SYNJ2: variants seen among roughly 807,000 people sequenced by gnomAD.
SYNJ2 encodes polyphosphatidylinositol phosphatase SYNJ2.
SYNJ2 carries 116 observed loss-of-function variants against 141.3 expected under a neutral mutation model. The observed-to-expected ratio is 0.82, with a 90% CI of 0.71 to 0.96. SYNJ2 has a LOEUF of 0.96. Among genes scored for constraint, SYNJ2 ranks in the 40% least tolerant of loss-of-function variants. The probability of loss-of-function intolerance (pLI) is 0.00; values close to 1 mark genes in which losing one functional copy is unlikely to be tolerated. For missense variants in SYNJ2, 1,873 were observed against 1,934.8 expected (o/e 0.97, Z 0.60); for synonymous variants, 745 against 777.7 (o/e 0.96, Z 0.70).
intron 1 of SYNJ2, among the ~76,000 whole-genome samples, chr6:158,012,770 G>A (rs1384970235): frequency 2.0e-5 from 3 of 152,196 alleles, no homozygotes; most frequent in Non-Finnish European, 4.4e-5. Flanking sequence ...TGGCTTCCCA[G>A]TACTTTTCTA....
intron 13 of SYNJ2, among the ~76,000 whole-genome samples, chr6:158,069,103 G>A (rs1183045558): frequency 6.6e-6 from 1 of 152,110 alleles, no homozygotes; most frequent in Non-Finnish European, 1.5e-5. Flanking sequence ...GGGGAGAGGT[G>A]AGAAAGTGTG....
At chr6:158,016,597 G>A (rs1397027066) in intron 1 of SYNJ2, among the ~76,000 whole-genome samples, 1 of 152,116 alleles carries the variant, frequency 6.6e-6, no homozygotes, top group African/African-American at 2.4e-5. Context: ...AGAGGTTAGG[G>A]CTCTCCCTAA....
At chr6:157,981,792 C>T (rs1777019330), upstream of SYNJ2, 1 of 525,392 alleles carries the variant, frequency 1.9e-6, no homozygotes, top group South Asian at 9.4e-5. This position sits in a 1 kb window ranked among gnomAD's most constrained non-coding sequence, Gnocchi z 6.4. Context: ...TGGGGAGGCG[C>T]GAGTGGGGAG....
At chr6:157,985,855 T>C (rs570267697) in intron 1 of SYNJ2, among the ~76,000 whole-genome samples, 11 of 152,284 alleles carry the variant, frequency 7.2e-5, no homozygotes, top group African/African-American at 2.2e-4. Context: ...AGAGAATTAA[T>C]TAAGTTAATT....
intron 18 of SYNJ2, among the ~76,000 whole-genome samples, chr6:158,080,493 A>C (rs1413450710): frequency 3.3e-5 from 5 of 150,174 alleles, no homozygotes; most frequent in East Asian, 1.9e-4. Flanking sequence ...AAAAAAAAAA[A>C]AAACGAGCAT....
At chr6:158,020,203 G>A (rs890006002) in intron 2 of SYNJ2, among the ~76,000 whole-genome samples, 4 of 83,978 alleles carry the variant, frequency 4.8e-5, no homozygotes, top group African/African-American at 1.1e-4. Flanking sequence ...GACTCTGACT[G>A]TGTGACCCCC....
chr6:158,081,048 G>A (rs774817720), intron 18 of SYNJ2, 61 bp from the exon 19 acceptor site: 102 of 1,514,662 alleles, frequency 6.7e-5, no homozygotes, highest in Non-Finnish European at 8.8e-5. Flanking sequence ...GGGGACTGGA[G>A]GCCGGGGGTG....
chr6:158,058,822 A>G lies in SYNJ2; in HGVS notation c.858-435A>G, dbSNP rs552080090. Among the ~76,000 whole-genome samples the G allele has an allele frequency of 7.1e-4, 108 of 152,280 alleles. 1 individual carries two copies. The highest frequency in any genetic ancestry group is 2.4e-3 in the African/African-American group (100 of 41,560). ...GTGGCATGTACCTGTAGTCCCTATT[A>G]CTTGAGAGGCTGAGTTGGGAGGATT... On this transcript the variant is annotated intron_variant, in intron 6 of 26. Coordinates refer to ENST00000355585, the MANE Select transcript of SYNJ2 (RefSeq NM_003898.4).
chr6:158,083,680 C>T (rs1782848691), intron 21 of SYNJ2, 83 bp downstream of exon 21: 1 of 1,564,704 alleles, frequency 6.4e-7, no homozygotes, highest in Middle Eastern at 1.7e-4. Flanking sequence ...CTAAAGCCTC[C>T]CTTGCAGAAG....
At chr6:157,997,027 A>C (rs6923427) in intron 1 of SYNJ2, among the ~76,000 whole-genome samples, 24,204 of 113,984 alleles carry the variant, frequency 0.21, 1,645 homozygotes, top group Middle Eastern at 0.27. Flanking sequence ...CACCTACCCC[A>C]CCCCCCCCCA....
intron 1 of SYNJ2, among the ~76,000 whole-genome samples, chr6:158,011,559 T>G (rs1181743664): frequency 6.6e-6 from 1 of 152,162 alleles, no homozygotes; most frequent in Admixed American, 6.5e-5. Context: ...TGTTTGTTTG[T>G]TTTTAAAATA....
intron 20 of SYNJ2, among the ~76,000 whole-genome samples, chr6:158,082,713 G>T (rs553381924): frequency 6.6e-6 from 1 of 152,132 alleles, no homozygotes; most frequent in Non-Finnish European, 1.5e-5. Flanking sequence ...TGTGTCTCAC[G>T]TTGGAAGGCA....
At chr6:158,078,060 G>A in intron 17 of SYNJ2, 104 bp from the exon 18 acceptor site, 1 of 677,402 alleles carries the variant, frequency 1.5e-6, no homozygotes, top group African/African-American at 2.5e-5. Context: ...CTGGGACGTG[G>A]GGTGGTTCGT....
rs1404494069 is a variant in SYNJ2 at position 158,069,614 on chromosome 6, A to G, written c.1881A>G (p.Ala627=). 4 of 1,614,060 alleles carry G rather than the reference A, an allele frequency of 2.5e-6. No homozygotes were observed. The highest frequency in any genetic ancestry group is 1.7e-5 in the Admixed American group (1 of 60,006). ...RSHRYILLTS[A]QLVGVCLYIF... Reference sequence around the variant, plus strand: ...ATAGATACATTCTGTTGACTTCGGCACAGCTGGTGGGCGTCTGTCTTTATA... The same window carrying G: ...ATAGATACATTCTGTTGACTTCGGCGCAGCTGGTGGGCGTCTGTCTTTATA... Residue 627 remains alanine (A), a synonymous_variant, in exon 14 of 27, where the codon GCA becomes GCG. Coordinates refer to ENST00000355585, the MANE Select transcript of SYNJ2 (RefSeq NM_003898.4).
At chr6:158,047,478 G>A (rs1780302483) in intron 5 of SYNJ2, among the ~76,000 whole-genome samples, 1 of 152,054 alleles carries the variant, frequency 6.6e-6, no homozygotes, top group Admixed American at 6.6e-5. Context: ...GGATTAAAGA[G>A]CGTAATATAA....
At chr6:158,059,402 A>G (rs1781068529) in intron 7 of SYNJ2, 49 bp downstream of exon 7, 5 of 1,544,482 alleles carry the variant, frequency 3.2e-6, no homozygotes, top group East Asian at 2.5e-5. Context: ...GCAGGTGGCC[A>G]TGGTGGAGCG....
rs1363562352 is a variant in SYNJ2 at position 158,074,563 on chromosome 6, T to C, written c.2134-17T>C. ...TGCAAGATGGGCTGAATGATTATGATTTTCTTTTCAACTTAGGGGAGAAAT... is the reference window on the plus strand; with the variant it reads ...TGCAAGATGGGCTGAATGATTATGACTTTCTTTTCAACTTAGGGGAGAAAT... On this transcript the variant is annotated splice_polypyrimidine_tract_variant and intron_variant, in intron 15 of 26. Transcript: ENST00000355585. 6.2e-7 allele frequency: 1 copy of C among 1,607,156 alleles called. No homozygotes were observed. Among genetic ancestry groups the C allele is most frequent in the Non-Finnish European group, 8.5e-7 (1 of 1,176,744 alleles).
chr6:158,087,268 G>A (rs145450121), intron 23 of SYNJ2, among the ~76,000 whole-genome samples: 1 of 152,320 alleles, frequency 6.6e-6, no homozygotes, highest in East Asian at 1.9e-4. Flanking sequence ...CAGCATTAGA[G>A]GATGCAGAAT....
intron 5 of SYNJ2, among the ~76,000 whole-genome samples, chr6:158,052,643 TTCATTACCA>T (rs1184227039): frequency 6.6e-6 from 1 of 152,160 alleles, no homozygotes; most frequent in Non-Finnish European, 1.5e-5. Context: ...CAAGAACTCA[TTCATTACCA>T]TGGGGTTGTC....
Sources: allele counts gnomAD v4.1 joint callset (sites outside exome capture counted in the v4.1 genomes callset), GRCh38; gene constraint gnomAD v4.1.1; non-coding constraint Gnocchi (gnomAD v3.1); transcripts MANE v1.5; gene names NCBI Gene and HGNC (gene_info 2026-07-23, HGNC 2026-07-21).